Variants in DNAH5 observed in about 807,000 individuals in gnomAD.
The protein encoded by DNAH5 is axonemal beta dynein heavy chain 5.
DNAH5 carries 372 observed loss-of-function variants against 518.2 expected under a neutral mutation model. The observed-to-expected ratio is 0.72, with a 90% CI of 0.66 to 0.78. The LOEUF (loss-of-function observed/expected upper bound fraction) is 0.78, where lower values mean the gene tolerates loss of function less well. DNAH5 is among the 30% of genes least tolerant of loss of function. The pLI, the probability that DNAH5 is intolerant of heterozygous loss-of-function variation, is 0.00. For missense variants in DNAH5, 5,523 were observed against 5,687.0 expected (o/e 0.97, Z 0.93); for synonymous variants, 2,039 against 2,025.9 (o/e 1.01, Z -0.17).
At chr5:13,727,387 AC>A in intron 70 of DNAH5, 119 bp downstream of exon 70, 7 of 951,020 alleles carry the variant, frequency 7.4e-6, no homozygotes, top group Non-Finnish European at 1.1e-5. Flanking sequence ...CTAGAAAATC[AC>A]ACAGAGGCCT....
intron 55 of DNAH5, 36 bp downstream of exon 55, chr5:13,776,403 C>G: frequency 1.2e-6 from 2 of 1,613,116 alleles, no homozygotes; most frequent in South Asian, 2.2e-5. Flanking sequence ...TCCTTGAACA[C>G]ATGTTATGCC....
At chr5:13,858,983 G>A (rs1031221345) in intron 30 of DNAH5, among the ~76,000 whole-genome samples, 25 of 152,094 alleles carry the variant, frequency 1.6e-4, no homozygotes, top group African/African-American at 4.6e-4. Flanking sequence ...TGAAAAGAAG[G>A]TCTTTTTGTT....
At chr5:13,886,357 C>A (rs1772436415) in intron 17 of DNAH5, among the ~76,000 whole-genome samples, 1 of 152,080 alleles carries the variant, frequency 6.6e-6, no homozygotes, top group Admixed American at 6.5e-5. Flanking sequence ...ACCAAAATTA[C>A]AGGCACTTCT....
At chr5:13,713,107 G>GTGTGTATA (rs70962100) in intron 75 of DNAH5, among the ~76,000 whole-genome samples, 23 of 139,950 alleles carry the variant, frequency 1.6e-4, no homozygotes, top group Non-Finnish European at 2.9e-4. Context: ...GTGTGTGTGT[G>GTGTGTATA]TATATATATA....
chr5:13,786,479 T>A, intron 51 of DNAH5, 128 bp from the exon 52 acceptor site: 1 of 983,092 alleles, frequency 1.0e-6, no homozygotes, highest in South Asian at 1.4e-5. Context: ...AATGCCATAG[T>A]GTGTATTTTG....
At position 13,770,750 on chromosome 5, in the gene DNAH5, T is replaced by G; in HGVS notation, c.9604A>C (p.Arg3202=). The part of the protein sequence containing the change: ...KHVEVRTLAN[R]MNTGLEKLKE... ...TTTGTATAAGAACATCACACTTACC[T>G]GTTGGCCAGGGTCCGCACCTCCACA... Residue 3202 remains arginine (R), a splice_region_variant and synonymous_variant, in exon 56 of 79, where the codon AGA becomes CGA. Coordinates refer to ENST00000265104, the MANE Select transcript of DNAH5 (RefSeq NM_001369.3). 6.2e-7 allele frequency: 1 copy of G among 1,613,134 alleles called. No homozygotes were observed. Among genetic ancestry groups the G allele is most frequent in the Non-Finnish European group, 8.5e-7 (1 of 1,179,208 alleles).
intron 25 of DNAH5, among the ~76,000 whole-genome samples, chr5:13,866,813 G>T (rs1429596598): frequency 6.6e-6 from 1 of 152,066 alleles, no homozygotes; most frequent in Admixed American, 6.5e-5. Flanking sequence ...CTAGTTAATG[G>T]GTACAAATTT....
intron 35 of DNAH5, among the ~76,000 whole-genome samples, chr5:13,833,980 A>T (rs1050828095): frequency 2.0e-5 from 3 of 152,242 alleles, no homozygotes; most frequent in African/African-American, 2.4e-5. Flanking sequence ...AGGGCTGACA[A>T]CATGTCAGTG....
At chr5:13,781,802 T>C (rs1308144774) in intron 52 of DNAH5, among the ~76,000 whole-genome samples, 1 of 151,942 alleles carries the variant, frequency 6.6e-6, no homozygotes, top group African/African-American at 2.4e-5. Flanking sequence ...ATACATATGG[T>C]ATAGATGTTG....
In DNAH5 at chr5:13,867,833, T is replaced by C; in HGVS notation, c.3994A>G (p.Ile1332Val). 1 of 1,614,060 alleles carries C rather than the reference T, an allele frequency of 6.2e-7. No homozygotes were observed. Among genetic ancestry groups the C allele is most frequent in the African/African-American group, 1.3e-5 (1 of 75,038 alleles). Reference sequence around the variant, plus strand: ...TGGAGGAATACCTCCACAGCACTAATAAGCTCTTTCTTGAAACTGGGCTGC... The same window carrying C: ...TGGAGGAATACCTCCACAGCACTAACAAGCTCTTTCTTGAAACTGGGCTGC... Reference protein sequence around the residue: ...SLQPSFKKELISAVEVFLQDC... With the variant: ...SLQPSFKKELVSAVEVFLQDC... Residue 1332 changes from isoleucine (I) to valine (V), a missense_variant, in exon 25 of 79, where the codon ATT becomes GTT. This residue lies in a region of DNAH5 where 5,121 missense variants were observed against 5,223.3 expected (regional missense o/e 0.98). Transcript: ENST00000265104.
rs945511173 is a variant in DNAH5 at position 13,925,710 on chromosome 5, G to A, written c.278-2270C>T. Among the ~76,000 whole-genome samples, 3 of 152,170 alleles carry A rather than the reference G, an allele frequency of 2.0e-5. No individual in the cohort carries two copies. In the East Asian group the frequency reaches 5.8e-4, roughly 29 times the overall value. On this transcript the variant is annotated intron_variant, in intron 3 of 78. Transcript: ENST00000265104. ...CCATAAGTCAATCACCTCCCACCAG[G>A]TTCCTACCAAGACACGTGATAATTG... is the stretch of plus-strand genomic sequence containing the variant.
At chr5:13,857,587 GTATCACGC>G (rs1014515901) in intron 30 of DNAH5, among the ~76,000 whole-genome samples, 1 of 152,104 alleles carries the variant, frequency 6.6e-6, no homozygotes, top group Non-Finnish European at 1.5e-5. Context: ...AGAGCTGGAG[GTATCACGC>G]TACCTGATTT....
chr5:13,748,214 T>C (rs867351415), intron 65 of DNAH5, among the ~76,000 whole-genome samples: 59 of 152,134 alleles, frequency 3.9e-4, no homozygotes, highest in African/African-American at 9.4e-4. Flanking sequence ...TTTCTGAGGG[T>C]TCTGTTCTGT....
At chr5:13,701,090 G>A (rs1742044370) in intron 77 of DNAH5, among the ~76,000 whole-genome samples, 194 bp downstream of exon 77, 1 of 152,068 alleles carries the variant, frequency 6.6e-6, no homozygotes, top group Non-Finnish European at 1.5e-5. Flanking sequence ...ACAAAAATAA[G>A]AAATAAATAT....
chr5:13,917,077 A>G (rs1289717424), intron 8 of DNAH5, 66 bp downstream of exon 8: 31 of 1,240,428 alleles, frequency 2.5e-5, no homozygotes, highest in East Asian at 4.7e-5. Context: ...ACAAAATTCA[A>G]TATTCAATTC....
chr5:13,780,653 G>T (rs1425162033), intron 53 of DNAH5, among the ~76,000 whole-genome samples, 176 bp downstream of exon 53: 1 of 152,178 alleles, frequency 6.6e-6, no homozygotes. Context: ...AATTATGACT[G>T]TGAAATGTTT....
chr5:13,985,881 C>G (rs1783019708), intron 1 of DNAH5, among the ~76,000 whole-genome samples: 3 of 152,210 alleles, frequency 2.0e-5, no homozygotes, highest in African/African-American at 7.2e-5. Flanking sequence ...GGCTCTGTGC[C>G]AATGACTAAT....
intron 68 of DNAH5, among the ~76,000 whole-genome samples, chr5:13,730,225 C>G (rs1179840194): frequency 6.6e-6 from 1 of 152,136 alleles, no homozygotes. Context: ...CTCATGTAAC[C>G]CACGTAACTC....
intron 30 of DNAH5, among the ~76,000 whole-genome samples, chr5:13,855,137 G>A (rs1180747546): frequency 6.6e-6 from 1 of 151,718 alleles, no homozygotes; most frequent in African/African-American, 2.4e-5. Context: ...CCTACCTCAT[G>A]CATCACTCAA....
Sources: gnomAD v4.1 joint callset for allele counts (sites outside exome capture counted in the v4.1 genomes callset) on GRCh38, gnomAD v4.1.1 for gene constraint, gnomAD v4.1.1 regional missense constraint, MANE v1.5 for transcripts, NCBI Gene and HGNC (gene_info 2026-07-23, HGNC 2026-07-21) for gene names.